Variants in ABCB1 observed in about 807,000 individuals in gnomAD.
ABCB1 encodes the protein ATP-dependent translocase ABCB1.
Under a neutral mutation model 142.0 loss-of-function variants are expected in ABCB1, and 69 were observed. That is an observed-to-expected ratio of 0.49 (90% CI 0.40 to 0.59). The LOEUF (loss-of-function observed/expected upper bound fraction) is 0.59, where lower values mean the gene tolerates loss of function less well. Ranked by LOEUF, ABCB1 falls within the 20% of genes least tolerant of loss-of-function variation. The probability of loss-of-function intolerance (pLI) is 0.00; values close to 1 mark genes in which losing one functional copy is unlikely to be tolerated. For synonymous variants in ABCB1, 532 were observed against 539.2 expected, an observed-to-expected ratio of 0.99 and a Z score of 0.18; for missense variants, 1,326 against 1,554.7, an observed-to-expected ratio of 0.85 and a Z score of 2.47.
intron 21 of ABCB1, among the ~76,000 whole-genome samples, chr7:87,527,399 C>G (rs1029702383): frequency 6.6e-6 from 1 of 152,064 alleles, no homozygotes; most frequent in Non-Finnish European, 1.5e-5. Flanking sequence ...ATGGCTTTTA[C>G]GAATTTTGTT....
At chr7:87,558,461 C>T (rs1817405547) in intron 8 of ABCB1, among the ~76,000 whole-genome samples, 1 of 152,122 alleles carries the variant, frequency 6.6e-6, no homozygotes, top group Admixed American at 6.5e-5. Flanking sequence ...ATCTTATCGT[C>T]TGTGAATAAC....
chr7:87,551,361 G>T (rs1342388564), intron 9 of ABCB1, among the ~76,000 whole-genome samples: 1 of 152,168 alleles, frequency 6.6e-6, no homozygotes, highest in Non-Finnish European at 1.5e-5. Context: ...GTCAAGTGAG[G>T]AGATAGATAT....
At chr7:87,684,689 A>C (rs1827271593) in intron 1 of ABCB1, among the ~76,000 whole-genome samples, 1 of 139,908 alleles carries the variant, frequency 7.1e-6, no homozygotes, top group African/African-American at 2.6e-5. Context: ...CAGAGATTGC[A>C]GTGAGTCGAG....
Position 87,550,051 on chromosome 7 carries a change from T to C in ABCB1, c.1354A>G (p.Ser452Gly), listed in dbSNP as rs1313046379. 6.2e-7 allele frequency: 1 copy of C among 1,614,168 alleles called. No individual in the cohort carries two copies. Among genetic ancestry groups the C allele is most frequent in the Non-Finnish European group, 8.5e-7 (1 of 1,180,032 alleles). Residue 452 changes from serine (S) to glycine (G), a missense_variant, in exon 13 of 28, where the codon AGT (serine) becomes GGT (glycine). Transcript: ENST00000622132. ...GTCCTAATATCCTGTCCATCAACAC[T>C]GACCTGGAATAAAAAGTAAGTGTGA... Reference protein sequence around the residue: ...RLYDPTEGMVSVDGQDIRTIN... With the variant: ...RLYDPTEGMVGVDGQDIRTIN...
chr7:87,674,417 T>C (rs1826123484), intron 1 of ABCB1, among the ~76,000 whole-genome samples: 1 of 152,064 alleles, frequency 6.6e-6, no homozygotes, highest in African/African-American at 2.4e-5. Context: ...GCAGTGTATC[T>C]CTGTGCCCAC....
chr7:87,623,529 G>A (rs1820302507), intron 1 of ABCB1, among the ~76,000 whole-genome samples: 1 of 152,170 alleles, frequency 6.6e-6, no homozygotes, highest in Non-Finnish European at 1.5e-5. Flanking sequence ...CCTGGCCCAT[G>A]ACCCTGTCTG....
chr7:87,587,517 C>T (rs928424916), intron 3 of ABCB1, among the ~76,000 whole-genome samples: 3 of 152,116 alleles, frequency 2.0e-5, no homozygotes, highest in East Asian at 1.9e-4. Context: ...ATCATCATTC[C>T]CTCCTTTGTG....
intron 9 of ABCB1, among the ~76,000 whole-genome samples, chr7:87,551,327 T>C (rs568959188): frequency 7.0e-4 from 106 of 152,218 alleles, no homozygotes; most frequent in Non-Finnish European, 1.2e-3. Flanking sequence ...AAGAGTAAAT[T>C]TCAAATGTGT....
rs1173351315 is a variant in ABCB1, at chr7:87,543,321, T to A, written c.2211+808A>T. On this transcript the variant is annotated intron_variant, in intron 17 of 27. Transcript: ENST00000622132. ...TAATAACAATTCTTGAATAAATATA[T>A]TTAATATTAAGCATGAATGTCATTA... 4.6e-5 allele frequency among the ~76,000 whole-genome samples: 7 copies of A among 152,118 alleles called. No individual in the cohort carries two copies. The East Asian group carries it at 1.3e-3, about 29-fold the overall frequency.
At chr7:87,527,741 G>C (rs1815849258) in intron 21 of ABCB1, among the ~76,000 whole-genome samples, 1 of 152,182 alleles carries the variant, frequency 6.6e-6, no homozygotes, top group South Asian at 2.1e-4. Flanking sequence ...GATTGTTAGT[G>C]TCACTGCATT....
intron 4 of ABCB1, among the ~76,000 whole-genome samples, chr7:87,579,240 G>A (rs190954390): frequency 4.6e-5 from 7 of 151,400 alleles, no homozygotes; most frequent in Admixed American, 2.6e-4. Flanking sequence ...GATTGCCCTC[G>A]CTAGGACTTT....
At chr7:87,537,548 G>A (rs1285767862) in intron 19 of ABCB1, among the ~76,000 whole-genome samples, 1 of 152,168 alleles carries the variant, frequency 6.6e-6, no homozygotes, top group Non-Finnish European at 1.5e-5. Context: ...GTCGCTTACT[G>A]ATATAGGGGA....
Position 87,595,738 on chromosome 7 carries a change from T to C in ABCB1, c.117+28A>G, listed in dbSNP as rs1465349153. The C allele has an allele frequency of 2.6e-6, 4 of 1,560,128 alleles. No individual in the cohort carries two copies. In the Admixed American group the frequency reaches 5.0e-5, roughly 20 times the overall value. On this transcript the variant is annotated intron_variant, in intron 3 of 27. Coordinates refer to ENST00000622132, the MANE Select transcript of ABCB1 (RefSeq NM_001348946.2). ...GGAGATGTCAAATTTCCGAAGTATTTTGAATAGTTAATAAATTCAAAACTC... is the reference window on the plus strand; with the variant it reads ...GGAGATGTCAAATTTCCGAAGTATTCTGAATAGTTAATAAATTCAAAACTC...
chr7:87,687,893 A>G (rs575501187), intron 1 of ABCB1, among the ~76,000 whole-genome samples: 206 of 152,330 alleles, frequency 1.4e-3, no homozygotes, highest in Middle Eastern at 6.8e-3. Flanking sequence ...ACAATGGATA[A>G]TCATAAACCT....
chr7:87,676,032 C>T (rs946191339), intron 1 of ABCB1, among the ~76,000 whole-genome samples: 1 of 151,986 alleles, frequency 6.6e-6, no homozygotes, highest in Admixed American at 6.6e-5. Flanking sequence ...TTGAGATCTA[C>T]CTGGGCAACA....
At chr7:87,650,370 G>A (rs1321492768) in intron 1 of ABCB1, among the ~76,000 whole-genome samples, 2 of 151,970 alleles carry the variant, frequency 1.3e-5, no homozygotes, top group African/African-American at 4.8e-5. Flanking sequence ...TGAGATCGGG[G>A]CACCATCAGA....
intron 7 of ABCB1, among the ~76,000 whole-genome samples, chr7:87,562,827 T>C (rs1295929001): frequency 2.0e-5 from 3 of 150,802 alleles, no homozygotes; most frequent in East Asian, 3.9e-4. Flanking sequence ...AGGCCAGGTG[T>C]GATGACTCAC....
At chr7:87,651,947 G>T (rs1823620035) in intron 1 of ABCB1, among the ~76,000 whole-genome samples, 1 of 151,312 alleles carries the variant, frequency 6.6e-6, no homozygotes, top group Non-Finnish European at 1.5e-5. Flanking sequence ...TTTTAAAAGG[G>T]TTTTTTTTGT....
chr7:87,566,715 T>C, intron 6 of ABCB1, 70 bp downstream of exon 6: 2 of 1,449,206 alleles, frequency 1.4e-6, no homozygotes, highest in Non-Finnish European at 1.9e-6. Context: ...CTAACAGATG[T>C]GATGACATCT....
Sources: gnomAD v4.1 joint callset for allele counts (sites outside exome capture counted in the v4.1 genomes callset) on GRCh38, gnomAD v4.1.1 for gene constraint, MANE v1.5 for transcripts, NCBI Gene and HGNC (gene_info 2026-07-23, HGNC 2026-07-21) for gene names.